The following CTNNA3 variants were observed in gnomAD, a reference collection of about 807,000 sequenced individuals.
The protein encoded by CTNNA3 is catenin alpha-3.
In CTNNA3, 76 loss-of-function variants were observed where a neutral mutation model predicts 95.7. The observed-to-expected ratio is 0.79, with a 90% confidence interval of 0.66 to 0.96. The LOEUF is 0.96. Ranked by LOEUF, CTNNA3 falls within the 40% of genes least tolerant of loss-of-function variation. The pLI is 0.00. For synonymous variants in CTNNA3, 431 were observed against 374.4 expected (o/e 1.15, Z -1.74); for missense variants, 1,191 against 1,089.8 (o/e 1.09, Z -1.31).
At position 67,483,901 on chromosome 10, in the gene CTNNA3, C is replaced by G. The variant is rs185463688; in HGVS notation, c.579+37941G>C. 7.8e-3 allele frequency among the ~76,000 whole-genome samples: 1,183 copies of G among 151,886 alleles called. 14 individuals carry two copies. The highest frequency in any genetic ancestry group is 0.027 in the African/African-American group (1,125 of 41,430). On this transcript the variant is annotated intron_variant, in intron 5 of 17. Coordinates refer to ENST00000433211, the MANE Select transcript of CTNNA3 (RefSeq NM_013266.4). The stretch of plus-strand genomic sequence containing the variant: ...AATATTATTGAAATGGCCATACTGC[C>G]CAAAGCAATCTACAGATTCAACAAT...
chr10:66,094,068 T>A (rs1382081631), intron 14 of CTNNA3, among the ~76,000 whole-genome samples: 1 of 152,046 alleles, frequency 6.6e-6, no homozygotes, highest in Non-Finnish European at 1.5e-5. Context: ...CCACATGTAA[T>A]GGAAGATTAT....
At chr10:67,141,313 TA>T (rs1052608029) in intron 7 of CTNNA3, among the ~76,000 whole-genome samples, 3 of 151,970 alleles carry the variant, frequency 2.0e-5, no homozygotes, top group African/African-American at 7.3e-5. Context: ...ATTTTTTTTT[TA>T]CAAGCAAGTG....
rs58734413 is a variant in CTNNA3 at position 66,771,395 on chromosome 10, T to G, written c.1128+4049A>C. ...AGTCTTCCTCCTTTTACTGAGAGAG[T>G]TGCAATAGGTATACAGTTTTCAAAT... On this transcript the variant is annotated intron_variant, in intron 8 of 17. Transcript: ENST00000433211. 8.4e-3 allele frequency among the ~76,000 whole-genome samples: 1,285 copies of G among 152,194 alleles called. 18 individuals carry two copies. Among genetic ancestry groups the G allele is most frequent in the African/African-American group, 0.029 (1,205 of 41,530 alleles).
chr10:67,108,012 A>G (rs932842026), intron 7 of CTNNA3, among the ~76,000 whole-genome samples: 3 of 152,194 alleles, frequency 2.0e-5, no homozygotes, highest in Admixed American at 6.5e-5. Flanking sequence ...GTGAACCTGA[A>G]TATTCCTGGC....
At chr10:66,384,154 G>T (rs2092868015) in intron 11 of CTNNA3, among the ~76,000 whole-genome samples, 1 of 152,086 alleles carries the variant, frequency 6.6e-6, no homozygotes, top group South Asian at 2.1e-4. Context: ...AGAGTGGCAT[G>T]TTGGATAAAG....
intron 11 of CTNNA3, among the ~76,000 whole-genome samples, chr10:66,514,341 G>C (rs1196052950): frequency 6.6e-6 from 1 of 152,100 alleles, no homozygotes; most frequent in Non-Finnish European, 1.5e-5. Context: ...TTAGGGAAAA[G>C]AAAGTTACTT....
chr10:67,357,989 T>C (rs1224486359), intron 5 of CTNNA3, among the ~76,000 whole-genome samples: 3 of 152,082 alleles, frequency 2.0e-5, no homozygotes, highest in Non-Finnish European at 4.4e-5. Context: ...CCTGGATATA[T>C]ATGAATAATT....
chr10:67,069,657 A>G (rs1335738618), intron 7 of CTNNA3, among the ~76,000 whole-genome samples: 2 of 146,204 alleles, frequency 1.4e-5, no homozygotes, highest in Non-Finnish European at 3.0e-5. Flanking sequence ...TGAAATGTCT[A>G]TAAGTAGAAT....
intron 2 of CTNNA3, among the ~76,000 whole-genome samples, chr10:67,622,998 T>C (rs750226348): frequency 2.6e-5 from 4 of 152,230 alleles, no homozygotes; most frequent in Non-Finnish European, 5.9e-5. Flanking sequence ...AAAACTCCAA[T>C]ATTTGCTTAC....
chr10:67,147,030 G>A (rs1398855396), intron 7 of CTNNA3, among the ~76,000 whole-genome samples: 1 of 152,064 alleles, frequency 6.6e-6, no homozygotes, highest in African/African-American at 2.4e-5. Context: ...CCTCTATAAT[G>A]TTCACACAAT....
At chr10:67,129,746 T>C (rs1859899447) in intron 7 of CTNNA3, among the ~76,000 whole-genome samples, 1 of 152,156 alleles carries the variant, frequency 6.6e-6, no homozygotes, top group Non-Finnish European at 1.5e-5. Flanking sequence ...TCTTTCAGTA[T>C]TTTAAGAAGT....
At chr10:67,097,733 G>A in intron 7 of CTNNA3, 2 of 1,612,648 alleles carry the variant, frequency 1.2e-6, no homozygotes, top group Non-Finnish European at 1.7e-6. Context: ...TAGAGACTGA[G>A]CTGGACCTGA....
intron 9 of CTNNA3, among the ~76,000 whole-genome samples, chr10:66,677,915 AC>A (rs201114064): frequency 0.04 from 1,389 of 34,532 alleles, 24 homozygotes; most frequent in African/African-American, 0.19. Flanking sequence ...ACTTTGAGTA[AC>A]AACTATTCTA....
chr10:66,586,426 A>G (rs533529898), intron 10 of CTNNA3, among the ~76,000 whole-genome samples: 2 of 152,154 alleles, frequency 1.3e-5, no homozygotes, highest in East Asian at 3.9e-4. Flanking sequence ...TTCCAGGCAA[A>G]GCAGGAAAGC....
chr10:67,232,180 G>A (rs966283076), intron 5 of CTNNA3, among the ~76,000 whole-genome samples: 7 of 152,024 alleles, frequency 4.6e-5, no homozygotes, highest in Admixed American at 1.3e-4. Flanking sequence ...GACACTCCTC[G>A]AGAAGAGCAA....
At chr10:66,632,870 C>T (rs1409653660) in intron 9 of CTNNA3, among the ~76,000 whole-genome samples, 2 of 151,716 alleles carry the variant, frequency 1.3e-5, no homozygotes, top group Non-Finnish European at 2.9e-5. Context: ...GGAAAAAAGG[C>T]CATTAAAAAT....
chr10:67,192,894 T>A (rs1393401697), intron 6 of CTNNA3, among the ~76,000 whole-genome samples: 2 of 151,994 alleles, frequency 1.3e-5, no homozygotes, highest in Non-Finnish European at 2.9e-5. Flanking sequence ...TATATATGTA[T>A]ATATACAACC....
chr10:66,431,105 CAAAAT>C (rs961037710), intron 11 of CTNNA3, among the ~76,000 whole-genome samples: 1 of 151,462 alleles, frequency 6.6e-6, no homozygotes, highest in Admixed American at 6.6e-5. Flanking sequence ...AGACACTTCT[CAAAAT>C]AAGACATTTA....
chr10:66,444,404 A>G (rs1343067258), intron 11 of CTNNA3, among the ~76,000 whole-genome samples: 1 of 152,160 alleles, frequency 6.6e-6, no homozygotes, highest in Non-Finnish European at 1.5e-5. Flanking sequence ...GAAGGAAAAA[A>G]TGGTAAGGGC....
Sources: gnomAD v4.1 joint callset for allele counts (sites outside exome capture counted in the v4.1 genomes callset) on GRCh38, gnomAD v4.1.1 for gene constraint, MANE v1.5 for transcripts, NCBI Gene and HGNC (gene_info 2026-07-23, HGNC 2026-07-21) for gene names.